Variants in RBM6 observed in about 807,000 individuals in gnomAD.
RBM6 encodes the protein RNA binding motif protein 6.
A neutral mutation model predicts 140.4 loss-of-function variants in RBM6; 23 were observed. That is an observed-to-expected ratio of 0.16 (90% CI 0.12 to 0.23). The LOEUF (loss-of-function observed/expected upper bound fraction) is 0.23. Among genes scored for constraint, RBM6 ranks in the 10% least tolerant of loss-of-function variants. The probability of loss-of-function intolerance (pLI) is 1.00; values close to 1 mark genes in which losing one functional copy is unlikely to be tolerated. For missense variants in RBM6, 1,139 were observed against 1,386.7 expected (o/e 0.82, Z 2.84); for synonymous variants, 439 against 475.6 (o/e 0.92, Z 1.00).
intron 5 of RBM6, among the ~76,000 whole-genome samples, chr3:49,980,526 A>G (rs1345251371): frequency 6.6e-6 from 1 of 151,692 alleles, no homozygotes; most frequent in Non-Finnish European, 1.5e-5. Context: ...TTGGGAGGCC[A>G]AGGCAGGTAG....
intron 1 of RBM6, among the ~76,000 whole-genome samples, chr3:49,955,160 C>CTTTCT (rs2083917945): frequency 1.4e-5 from 1 of 72,706 alleles, no homozygotes; most frequent in Non-Finnish European, 2.3e-5. Flanking sequence ...TTTTTTCTTT[C>CTTTCT]TTTTTTTTTT....
At chr3:49,999,197 C>A (rs1040336201) in intron 5 of RBM6, among the ~76,000 whole-genome samples, 1 of 152,094 alleles carries the variant, frequency 6.6e-6, no homozygotes, top group Non-Finnish European at 1.5e-5. Context: ...CTAAAGAGGG[C>A]AAAGGATCTT....
intron 3 of RBM6, among the ~76,000 whole-genome samples, chr3:49,970,378 C>A (rs909732060): frequency 5.3e-5 from 8 of 152,156 alleles, no homozygotes; most frequent in African/African-American, 1.9e-4. Context: ...CTGCCCCTAC[C>A]CTTTTGATGT....
chr3:50,006,539 C>A (rs1394356999), intron 6 of RBM6, among the ~76,000 whole-genome samples: 1 of 152,146 alleles, frequency 6.6e-6, no homozygotes, highest in Non-Finnish European at 1.5e-5. Context: ...CCATCACTTT[C>A]TAAGGTGTAC....
intron 7 of RBM6, among the ~76,000 whole-genome samples, chr3:50,052,061 T>C (rs1197413107): frequency 1.3e-5 from 2 of 152,128 alleles, no homozygotes; most frequent in Non-Finnish European, 2.9e-5. Flanking sequence ...AGGTAAACTT[T>C]ATGGGGTTTG....
chr3:50,012,305 C>T (rs1270796831), intron 6 of RBM6, among the ~76,000 whole-genome samples: 1 of 152,040 alleles, frequency 6.6e-6, no homozygotes, highest in Non-Finnish European at 1.5e-5. Context: ...ACCTTGGTTT[C>T]CCGAAGTGCT....
chr3:50,002,811 T>C (rs1001264784), intron 6 of RBM6, among the ~76,000 whole-genome samples: 46 of 152,296 alleles, frequency 3.0e-4, no homozygotes, highest in African/African-American at 1.0e-3. Flanking sequence ...AACAATCTTA[T>C]GAGAGACATA....
chr3:49,969,552 C>T (rs2084687026), intron 3 of RBM6, among the ~76,000 whole-genome samples: 4 of 148,674 alleles, frequency 2.7e-5, no homozygotes, highest in African/African-American at 7.4e-5. Context: ...TTTCTTCCTG[C>T]TTCACTTTCC....
chr3:49,981,611 C>T (rs1325130542), intron 5 of RBM6: 1 of 152,166 alleles, frequency 6.6e-6, no homozygotes, highest in Non-Finnish European at 1.5e-5. Flanking sequence ...CATGCCTTGC[C>T]TACCTAATAT....
At chr3:50,034,995 C>CCCTCTCCTCTCCTCTCCTCT (rs58547431) in intron 6 of RBM6, among the ~76,000 whole-genome samples, 4 of 126,834 alleles carry the variant, frequency 3.2e-5, no homozygotes, top group Admixed American at 1.8e-4. Context: ...CTCTCCTCTT[C>CCCTCTCCTCTCCTCTCCTCT]CCTCTCCTCT....
At chr3:50,064,575 G>A (rs1435840740) in intron 15 of RBM6, among the ~76,000 whole-genome samples, 12 of 151,730 alleles carry the variant, frequency 7.9e-5, no homozygotes, top group African/African-American at 2.2e-4. Flanking sequence ...GGAGTGGCAC[G>A]ATCTCGGCTC....
At chr3:49,991,604 T>C (rs778600988) in intron 5 of RBM6, among the ~76,000 whole-genome samples, 1 of 152,188 alleles carries the variant, frequency 6.6e-6, no homozygotes, top group Non-Finnish European at 1.5e-5. Context: ...CAAGTATCTT[T>C]CTGTGATACC....
chr3:49,944,415 GT>G (rs2083402184), intron 1 of RBM6, among the ~76,000 whole-genome samples: 1 of 148,880 alleles, frequency 6.7e-6, no homozygotes, highest in Non-Finnish European at 1.5e-5. Flanking sequence ...CATTTGGGTT[GT>G]TTCCACCTTT....
intron 6 of RBM6, among the ~76,000 whole-genome samples, chr3:50,024,069 A>G (rs755238013): frequency 5.9e-5 from 9 of 152,194 alleles, no homozygotes; most frequent in African/African-American, 9.6e-5. Context: ...CCATAATGAC[A>G]TTATCCACAG....
At position 50,065,144 on chromosome 3, in the gene RBM6, C is replaced by A; in HGVS notation, c.2682+18C>A. On this transcript the variant is annotated intron_variant, in intron 16 of 20. Coordinates refer to ENST00000266022, the MANE Select transcript of RBM6 (RefSeq NM_005777.3). The stretch of plus-strand genomic sequence containing the variant: ...CCCCTCCAGTAAGACCAACATTGAT[C>A]CCCTGGACCTAGGGCTGGGGCTGGG... The A allele has an allele frequency of 6.3e-7, 1 of 1,577,020 alleles. No individual in the cohort carries two copies. The highest frequency in any genetic ancestry group is 1.1e-5 in the South Asian group (1 of 89,070).
chr3:50,057,612 C>G, intron 8 of RBM6, 116 bp from the exon 9 acceptor site: 1 of 504,640 alleles, frequency 2.0e-6, no homozygotes, highest in Non-Finnish European at 3.1e-6. Context: ...AAAAAAAAGG[C>G]ATTCCAGTAT....
At chr3:50,004,591 G>A (rs893548955) in intron 6 of RBM6, among the ~76,000 whole-genome samples, 5 of 151,472 alleles carry the variant, frequency 3.3e-5, no homozygotes, top group South Asian at 4.2e-4. Context: ...GGGATTCCAG[G>A]TGTGAGCCAC....
intron 1 of RBM6, among the ~76,000 whole-genome samples, chr3:49,954,824 TCTC>T (rs1317628700): frequency 6.6e-6 from 1 of 151,768 alleles, no homozygotes; most frequent in Admixed American, 6.6e-5. Flanking sequence ...AGTGGCGCGA[TCTC>T]AGCCCACTGC....
intron 2 of RBM6, among the ~76,000 whole-genome samples, chr3:49,965,964 A>G (rs1173222967): frequency 1.3e-5 from 2 of 151,832 alleles, no homozygotes; most frequent in Non-Finnish European, 2.9e-5. Flanking sequence ...CATCTCTGCT[A>G]AAAATAAAAA....
Sources: allele counts gnomAD v4.1 joint callset (sites outside exome capture counted in the v4.1 genomes callset), GRCh38; gene constraint gnomAD v4.1.1; transcripts MANE v1.5; gene names NCBI Gene and HGNC (gene_info 2026-07-23, HGNC 2026-07-21).